The following SACS variants were observed in gnomAD, a reference collection of about 807,000 sequenced individuals.
SACS encodes sacsin.
A neutral mutation model predicts 348.0 loss-of-function variants in SACS; 197 were observed. The observed-to-expected ratio is 0.57, with a 90% CI of 0.50 to 0.64. The LOEUF is 0.64. Among genes scored for constraint, SACS ranks in the 30% least tolerant of loss-of-function variants. The probability of loss-of-function intolerance (pLI) is 0.00; values close to 1 mark genes in which losing one functional copy is unlikely to be tolerated. For synonymous variants in SACS, 1,985 were observed against 1,910.6 expected, an observed-to-expected ratio of 1.04 and a Z score of -1.02; for missense variants, 4,999 against 5,360.8, an observed-to-expected ratio of 0.93 and a Z score of 2.11.
intron 2 of SACS, among the ~76,000 whole-genome samples, chr13:23,385,915 C>T (rs561630776): frequency 6.6e-6 from 1 of 152,310 alleles, no homozygotes; most frequent in East Asian, 1.9e-4. Flanking sequence ...CGACCAGGTG[C>T]AATGTCAATA....
intron 9 of SACS, among the ~76,000 whole-genome samples, chr13:23,343,972 T>C (rs1236702848): frequency 3.9e-5 from 6 of 152,240 alleles, no homozygotes; most frequent in Non-Finnish European, 5.9e-5. Flanking sequence ...TTTCAGTTTC[T>C]ACATTGTGTG....
intron 1 of SACS, among the ~76,000 whole-genome samples, chr13:23,415,229 A>G (rs1441293266): frequency 6.6e-6 from 1 of 152,060 alleles, no homozygotes; most frequent in Non-Finnish European, 1.5e-5. Flanking sequence ...ACAGGGTTTC[A>G]CTATGTTAGC....
At chr13:23,356,476 A>G (rs1385615737) in intron 7 of SACS, among the ~76,000 whole-genome samples, 2 of 152,252 alleles carry the variant, frequency 1.3e-5, no homozygotes, top group Admixed American at 1.3e-4. Flanking sequence ...CTCATGAGGT[A>G]CATTCCCTCA....
At chr13:23,390,836 C>T (rs970191144) in intron 2 of SACS, among the ~76,000 whole-genome samples, 1 of 152,200 alleles carries the variant, frequency 6.6e-6, no homozygotes, top group Non-Finnish European at 1.5e-5. Context: ...TGTTAAGTAG[C>T]GAGCGTGTTC....
Position 23,411,539 on chromosome 13 carries a change from T to C in SACS, c.-300A>G. The stretch of plus-strand genomic sequence containing the variant: ...AAACAGTGTGGATTCGCTAAAGGTT[T>C]TTGGCTTTCCCCCAGAGCAAAATCA... On this transcript the variant is annotated 5_prime_UTR_variant, in exon 2 of 10. Transcript: ENST00000382292. 1 of 360,746 alleles carries C rather than the reference T, an allele frequency of 2.8e-6. No homozygotes were observed. Among genetic ancestry groups the C allele is most frequent in the Middle Eastern group, 5.4e-4 (1 of 1,836 alleles). The allele number at this position is 360,746 out of a possible 1,614,324, so 22.3% of individuals were successfully genotyped here.
rs113904821 is a variant in SACS, at chr13:23,401,993, C to T, written c.20+9227G>A. Among the ~76,000 whole-genome samples, 1,335 of 152,306 alleles carry T rather than the reference C, an allele frequency of 8.8e-3. 17 individuals carry two copies. The highest frequency in any genetic ancestry group is 0.03 in the African/African-American group (1,266 of 41,562). On this transcript the variant is annotated intron_variant, in intron 2 of 9. Coordinates refer to ENST00000382292, the MANE Select transcript of SACS (RefSeq NM_014363.6). Reference sequence around the variant, plus strand: ...AGGAGATTGAGACCATCCTGGCTAACAGGGTGAAACCCGTCTCCACAAAAG... The same window carrying T: ...AGGAGATTGAGACCATCCTGGCTAATAGGGTGAAACCCGTCTCCACAAAAG...
chr13:23,405,435 C>A (rs113436061), intron 2 of SACS, among the ~76,000 whole-genome samples: 1,642 of 152,172 alleles, frequency 0.011, 24 homozygotes, highest in African/African-American at 0.038. Flanking sequence ...TAAATGTAAG[C>A]CCTAAAACCA....
chr13:23,357,183 C>A (rs2137736252), intron 7 of SACS, among the ~76,000 whole-genome samples: 1 of 152,300 alleles, frequency 6.6e-6, no homozygotes, highest in Non-Finnish European at 1.5e-5. Context: ...GGCTCTCACG[C>A]CACAGTTCAT....
intron 3 of SACS, among the ~76,000 whole-genome samples, chr13:23,374,298 G>GA (rs2137834275): frequency 6.6e-6 from 1 of 152,282 alleles, no homozygotes; most frequent in East Asian, 1.9e-4. Context: ...ACTGAAGCAG[G>GA]AAAAATCACA....
chr13:23,361,107 C>G (rs1013307974), intron 6 of SACS, among the ~76,000 whole-genome samples: 1 of 152,078 alleles, frequency 6.6e-6, no homozygotes, highest in African/African-American at 2.4e-5. Flanking sequence ...CAGTGCAACT[C>G]CTGGGAAGAG....
intron 2 of SACS, among the ~76,000 whole-genome samples, chr13:23,383,081 C>T (rs1207523877): frequency 2.0e-5 from 3 of 150,928 alleles, no homozygotes; most frequent in Non-Finnish European, 4.4e-5. Context: ...GGTTTTAAGC[C>T]TTTGTCACTT....
chr13:23,401,248 C>T (rs1277387798), intron 2 of SACS, among the ~76,000 whole-genome samples: 1 of 152,200 alleles, frequency 6.6e-6, no homozygotes, highest in African/African-American at 2.4e-5. Context: ...ACCTGCCTCC[C>T]ATTCTATTCA....
intron 1 of SACS, chr13:23,427,649 G>A (rs1254574820): frequency 1.3e-5 from 2 of 152,372 alleles, no homozygotes; most frequent in Admixed American, 1.3e-4. Flanking sequence ...TAAATAATGG[G>A]AGCTGTTCCC....
intron 2 of SACS, among the ~76,000 whole-genome samples, chr13:23,403,158 A>G (rs1470280367): frequency 6.6e-6 from 1 of 151,996 alleles, no homozygotes; most frequent in Non-Finnish European, 1.5e-5. Flanking sequence ...AGCCTGGGCA[A>G]CAGAGTGAGA....
intron 4 of SACS, among the ~76,000 whole-genome samples, chr13:23,370,289 A>G (rs1282236729): frequency 6.6e-6 from 1 of 152,244 alleles, no homozygotes; most frequent in Non-Finnish European, 1.5e-5. Flanking sequence ...TTTATTGAGT[A>G]CAACTCAAAT....
In SACS at chr13:23,338,428, G is replaced by A; in HGVS notation, c.5448C>T (p.Thr1816=). The stretch of plus-strand genomic sequence containing the variant: ...CCATGCAAGTACACAGAAGCCACGT[G>A]GTACACTCTACTGTTTTCTGTGACA... ...DELSQKTVEC[T]TWLLCTCMDT... The change falls in exon 10 of 10, where the codon ACC becomes ACT. Residue 1816 remains threonine (T), a synonymous_variant. Transcript: ENST00000382292. 6.2e-7 allele frequency: 1 copy of A among 1,614,016 alleles called. No homozygotes were observed. Among genetic ancestry groups the A allele is most frequent in the Non-Finnish European group, 8.5e-7 (1 of 1,179,994 alleles).
rs754561474 is a variant in SACS at position 23,332,384 on chromosome 13, T to A, written c.11492A>T (p.Glu3831Val). ...FKPYLYKLPL[E>V]LGTFHQLFKH... ...GAACAACTGGTGAAATGTGCCAAGT[T>A]CTAAAGGTAGCTTGTACAAATAAGG... The change falls in exon 10 of 10, where the codon GAA becomes GTA. Residue 3831 changes from glutamate (E) to valine (V), a missense_variant. Physicochemically the swap from Glu to Val is moderately radical, Grantham distance 121 (BLOSUM62 -2). Around this residue, in one of 6 missense-constraint regions of SACS, gnomAD observed 831 missense variants for 941.8 expected, o/e 0.88. Coordinates refer to ENST00000382292, the MANE Select transcript of SACS (RefSeq NM_014363.6). 4.3e-6 allele frequency: 7 copies of A among 1,614,040 alleles called. No individual in the cohort carries two copies. In the South Asian group the frequency reaches 6.6e-5, roughly 15 times the overall value.
chr13:23,368,454 T>A lies in SACS; in HGVS notation c.293A>T (p.Asp98Val), dbSNP rs1407949005. Residue 98 changes from aspartate (D) to valine (V), a missense_variant, in exon 5 of 10, where the codon GAT (aspartate) becomes GTT (valine). Asp to Val is a radical substitution (Grantham distance 152, BLOSUM62 -3). Coordinates refer to ENST00000382292, the MANE Select transcript of SACS (RefSeq NM_014363.6). Reference protein sequence around the residue: ...RFGQTTPPLVDFLKDILRRYP... With the variant: ...RFGQTTPPLVVFLKDILRRYP... The stretch of plus-strand genomic sequence containing the variant: ...TCTTCTCAAAATGTCCTTGAGAAAA[T>A]CAACAAGTGGTGGCGTTGTCTGACC... 1 of 1,613,154 alleles carries A rather than the reference T, an allele frequency of 6.2e-7. No individual in the cohort carries two copies. Among genetic ancestry groups the A allele is most frequent in the Admixed American group, 1.7e-5 (1 of 59,916 alleles).
chr13:23,389,676 G>A (rs756157841), intron 2 of SACS, among the ~76,000 whole-genome samples: 2 of 152,180 alleles, frequency 1.3e-5, no homozygotes, highest in African/African-American at 2.4e-5. Context: ...CAAGGGATAC[G>A]TAGTACATGA....
Sources: allele counts gnomAD v4.1 joint callset (sites outside exome capture counted in the v4.1 genomes callset), GRCh38; gene constraint gnomAD v4.1.1; regional missense constraint gnomAD v4.1.1; transcripts MANE v1.5; gene names NCBI Gene and HGNC (gene_info 2026-07-23, HGNC 2026-07-21).